SLC22A24: variants seen among roughly 807,000 people sequenced by gnomAD.
The protein encoded by SLC22A24 is steroid transmembrane transporter SLC22A24.
In SLC22A24, 53 loss-of-function variants were observed where a neutral mutation model predicts 49.8. The ratio of observed to expected loss-of-function variants is 1.06; its 90% confidence interval spans 0.85 to 1.34. SLC22A24 has a LOEUF of 1.34. Ranked by LOEUF, SLC22A24 falls within the 40% of genes most tolerant of loss-of-function variation. The probability of loss-of-function intolerance (pLI) is 0.00; values close to 1 mark genes in which losing one functional copy is unlikely to be tolerated. For missense variants in SLC22A24, 786 were observed against 675.9 expected (o/e 1.16, Z -1.81); for synonymous variants, 302 against 256.4 (o/e 1.18, Z -1.70).
At chr11:63,129,098 TA>T (rs1181253709) in intron 2 of SLC22A24, among the ~76,000 whole-genome samples, 1 of 152,226 alleles carries the variant, frequency 6.6e-6, no homozygotes, top group Admixed American at 6.5e-5. Context: ...CTAGGGCTTT[TA>T]TGGTGTTAGG....
chr11:63,113,663 G>T (rs1489668829), intron 4 of SLC22A24, among the ~76,000 whole-genome samples: 1 of 151,944 alleles, frequency 6.6e-6, no homozygotes, highest in African/African-American at 2.4e-5. Flanking sequence ...AGAACATCCT[G>T]GCTAATGCAG....
At chr11:63,132,713 G>T (rs1291709246) in intron 2 of SLC22A24, among the ~76,000 whole-genome samples, 1 of 152,180 alleles carries the variant, frequency 6.6e-6, no homozygotes. Flanking sequence ...TGAGGTGTCT[G>T]TCGGCCCCTA....
At chr11:63,131,750 A>AT (rs2087337110) in intron 2 of SLC22A24, among the ~76,000 whole-genome samples, 1 of 151,838 alleles carries the variant, frequency 6.6e-6, no homozygotes, top group Non-Finnish European at 1.5e-5. Flanking sequence ...TCTGACAATT[A>AT]CATGTCTTGG....
At chr11:63,134,194 A>G (rs2087357046) in intron 2 of SLC22A24, among the ~76,000 whole-genome samples, 1 of 152,180 alleles carries the variant, frequency 6.6e-6, no homozygotes, top group Non-Finnish European at 1.5e-5. Flanking sequence ...TGCTGCAGGT[A>G]TGAAATGATG....
At chr11:63,119,103 T>C (rs1375773489) in intron 3 of SLC22A24, 23 bp from the exon 4 acceptor site, 1 of 1,532,056 alleles carries the variant, frequency 6.5e-7, no homozygotes, top group Non-Finnish European at 8.8e-7. Flanking sequence ...ATATACATAG[T>C]AATAATTTTA....
chr11:63,096,698 G>A (rs906999431), intron 5 of SLC22A24, among the ~76,000 whole-genome samples: 27 of 152,318 alleles, frequency 1.8e-4, no homozygotes, highest in African/African-American at 6.0e-4. Context: ...CATGAGTGGA[G>A]TGCACAGAAG....
chr11:63,100,956 T>C (rs989040730), intron 5 of SLC22A24, among the ~76,000 whole-genome samples: 8 of 152,062 alleles, frequency 5.3e-5, no homozygotes, highest in Non-Finnish European at 1.0e-4. Flanking sequence ...AACAAAGCAC[T>C]GGGGAAACTC....
chr11:63,130,638 G>A (rs1043450258), intron 2 of SLC22A24, among the ~76,000 whole-genome samples: 48 of 152,100 alleles, frequency 3.2e-4, no homozygotes, highest in Admixed American at 2.6e-3. Context: ...GTTAATTATT[G>A]CCTCAATTTC....
rs1412869607 is a variant in SLC22A24, at chr11:63,104,357, T to C, written c.831-59A>G. The C allele has an allele frequency of 2.4e-5, 36 of 1,470,286 alleles. No individual in the cohort carries two copies. In the East Asian group the frequency reaches 8.7e-4, roughly 36 times the overall value. The allele number at this position is 1,470,286 out of a possible 1,614,324, so 91.1% of individuals were successfully genotyped here. ...AATTACTTATTTGGCACTTAACCTT[T>C]AACATGAAATTCCTTTCCCCTTTGA... On this transcript the variant is annotated intron_variant, in intron 4 of 9. Transcript: ENST00000612278.
chr11:63,123,342 A>G (rs1316506937), intron 2 of SLC22A24, among the ~76,000 whole-genome samples: 2 of 152,214 alleles, frequency 1.3e-5, no homozygotes, highest in African/African-American at 4.8e-5. Context: ...TGGTGATCAT[A>G]TGGTGAGTTC....
At chr11:63,113,099 TATAC>T (rs1398779381) in intron 4 of SLC22A24, among the ~76,000 whole-genome samples, 539 of 7,928 alleles carry the variant, frequency 0.068, 203 homozygotes, top group Non-Finnish European at 0.11. Context: ...TACATATATA[TATAC>T]ATATATATAC....
chr11:63,086,110 T>G (rs1016152000), intron 6 of SLC22A24, among the ~76,000 whole-genome samples: 3 of 152,220 alleles, frequency 2.0e-5, no homozygotes, highest in African/African-American at 7.2e-5. Flanking sequence ...GTTCAGCCAT[T>G]CGTGGAAAGC....
chr11:63,134,909 G>T, intron 1 of SLC22A24, 141 bp from the exon 2 acceptor site: 1 of 565,146 alleles, frequency 1.8e-6, no homozygotes. Context: ...TCATCTGCAG[G>T]TACTCTTTTC....
chr11:63,128,418 T>C (rs2087308394), intron 2 of SLC22A24, among the ~76,000 whole-genome samples: 1 of 137,682 alleles, frequency 7.3e-6, no homozygotes. Context: ...ATTCTCCCTT[T>C]CCCTGGGGGA....
chr11:63,096,012 ACT>A lies in SLC22A24; in HGVS notation c.1047_1048del (p.Arg349SerfsTer95), dbSNP rs1340765912. On this transcript the variant is annotated frameshift_variant, in exon 6 of 10. Coordinates refer to ENST00000612278, the MANE Select transcript of SLC22A24 (RefSeq NM_001136506.2). LOFTEE classifies it high-confidence loss of function. ...TTACCTCACAAAGCACAGGCCGAAG[ACT>A]CTCATTCGCAATTTGGGTGCACGGA... 1.3e-6 allele frequency: 2 copies of A among 1,550,132 alleles called. No individual in the cohort carries two copies.
intron 5 of SLC22A24, among the ~76,000 whole-genome samples, chr11:63,097,658 CA>C (rs1458334983): frequency 6.6e-6 from 1 of 152,086 alleles, no homozygotes; most frequent in Non-Finnish European, 1.5e-5. Context: ...GACTTGGAAC[CA>C]ACCCAAATGT....
intron 1 of SLC22A24, among the ~76,000 whole-genome samples, chr11:63,139,591 C>G (rs113750084): frequency 0.023 from 3,466 of 152,210 alleles, 129 homozygotes; most frequent in African/African-American, 0.079. Flanking sequence ...AAATGAGACT[C>G]TCATGGGGGA....
intron 2 of SLC22A24, among the ~76,000 whole-genome samples, chr11:63,122,215 C>T (rs962369944): frequency 1.3e-5 from 2 of 152,032 alleles, no homozygotes; most frequent in African/African-American, 4.8e-5. Context: ...TTGGATGTGG[C>T]AAGTAATATA....
At chr11:63,105,498 T>C (rs1268002509) in intron 4 of SLC22A24, among the ~76,000 whole-genome samples, 3 of 152,130 alleles carry the variant, frequency 2.0e-5, no homozygotes, top group South Asian at 2.1e-4. Flanking sequence ...AATTTTTAAC[T>C]TCTGTGCACC....
Sources: gnomAD v4.1 joint callset for allele counts (sites outside exome capture counted in the v4.1 genomes callset) on GRCh38, gnomAD v4.1.1 for gene constraint, MANE v1.5 for transcripts, NCBI Gene and HGNC (gene_info 2026-07-23, HGNC 2026-07-21) for gene names.